The following PALM3 variants were observed in gnomAD, a reference collection of about 807,000 sequenced individuals.
PALM3 encodes paralemmin 3.
A neutral mutation model predicts 27.9 loss-of-function variants in PALM3; 20 were observed. That is an observed-to-expected ratio of 0.72 (90% CI 0.50 to 1.04). The LOEUF (loss-of-function observed/expected upper bound fraction) is 1.04, where lower values mean the gene tolerates loss of function less well. PALM3 is among the 50% of genes least tolerant of loss of function. The pLI, the probability that PALM3 is intolerant of heterozygous loss-of-function variation, is 0.00. For synonymous variants in PALM3, 328 were observed against 352.7 expected, an observed-to-expected ratio of 0.93 and a Z score of 0.79; for missense variants, 814 against 869.4, an observed-to-expected ratio of 0.94 and a Z score of 0.80.
In PALM3 at chr19:14,056,648, AG is replaced by A; in HGVS notation, c.314+13del. 1 of 1,551,752 alleles carries A rather than the reference AG, an allele frequency of 6.4e-7. No individual in the cohort carries two copies. The highest frequency in any genetic ancestry group is 8.7e-7 in the Non-Finnish European group (1 of 1,146,998). Reference sequence around the variant, plus strand: ...GGGGCAGGGTTCGGGCAGAGCTAGAAGGTCTCCACTCACGTGAACAAACTGT... The same window carrying A: ...GGGGCAGGGTTCGGGCAGAGCTAGAAGTCTCCACTCACGTGAACAAACTGT... On this transcript the variant is annotated intron_variant, in intron 4 of 6. Coordinates refer to ENST00000669674, the MANE Select transcript of PALM3 (RefSeq NM_001145028.2).
Position 14,055,366 on chromosome 19 carries a change from G to A in PALM3, c.445+14C>T. Reference sequence around the variant, plus strand: ...GGTGACCTGACCCCCAGACCTAGGGGCTCCCACACTTACCTACAGAACCTG... The same window carrying A: ...GGTGACCTGACCCCCAGACCTAGGGACTCCCACACTTACCTACAGAACCTG... On this transcript the variant is annotated intron_variant, in intron 6 of 6. Coordinates refer to ENST00000669674, the MANE Select transcript of PALM3 (RefSeq NM_001145028.2). 1 of 1,549,374 alleles carries A rather than the reference G, an allele frequency of 6.5e-7. No homozygotes were observed. Among genetic ancestry groups the A allele is most frequent in the Admixed American group, 2.0e-5 (1 of 50,926 alleles).
Position 14,055,163 on chromosome 19 carries a change from G to C in PALM3, c.509C>G (p.Ser170Cys). ...GACATCCTCCCTGGGCTCAGAGGGG[G>C]ACTCTGGAGGCGTGCCCACTAGTCC... Reference protein sequence around the residue: ...PAGLVGTPPESPSEPREDVLG... With the variant: ...PAGLVGTPPECPSEPREDVLG... Residue 170 changes from serine (S) to cysteine (C), a missense_variant, in exon 7 of 7, where the codon TCC becomes TGC. By Grantham distance (112) the Ser-to-Cys change is moderately radical. Coordinates refer to ENST00000669674, the MANE Select transcript of PALM3 (RefSeq NM_001145028.2). 1 of 1,548,574 alleles carries C rather than the reference G, an allele frequency of 6.5e-7. No homozygotes were observed. The highest frequency in any genetic ancestry group is 8.7e-7 in the Non-Finnish European group (1 of 1,146,130).
In PALM3 at chr19:14,055,022, G is replaced by A; in HGVS notation, c.650C>T (p.Ala217Val). ...PTPEQGLSQR[A>V]VPSEGRVGEA... The stretch of plus-strand genomic sequence containing the variant: ...ACCCACCCGCCCTTCGGATGGCACT[G>A]CCCTCTGACTTAGCCCCTGCTCTGG... The change falls in exon 7 of 7, where the codon GCA becomes GTA. Residue 217 changes from alanine (A) to valine (V), a missense_variant. Ala to Val is a moderately conservative substitution (Grantham distance 64, BLOSUM62 0). Transcript: ENST00000669674. 2 of 1,550,064 alleles carry A rather than the reference G, an allele frequency of 1.3e-6. No individual in the cohort carries two copies.
chr19:14,060,173 AAACATTTATTAATTTG>A (rs1295609819), intron 1 of PALM3, among the ~76,000 whole-genome samples: 5 of 152,010 alleles, frequency 3.3e-5, no homozygotes, highest in African/African-American at 1.2e-4. Flanking sequence ...TCAAACCCTC[AAACATTTATTAATTTG>A]AACAGTCACC....
In PALM3 at chr19:14,062,075, G is replaced by A; in HGVS notation, c.-95C>T. ...GGAGGCTGTGACTTGGCTGCCTGGA[G>A]TGGGGGGGGGCTGCGGGCGGGCACC... On this transcript the variant is annotated 5_prime_UTR_variant, in exon 1 of 7. Coordinates refer to ENST00000669674, the MANE Select transcript of PALM3 (RefSeq NM_001145028.2). 5 of 830,068 alleles carry A rather than the reference G, an allele frequency of 6.0e-6. No homozygotes were observed. The highest frequency in any genetic ancestry group is 7.3e-6 in the Non-Finnish European group (5 of 687,728). 51.4% of individuals were successfully genotyped at this position (830,068 alleles called of 1,614,324 possible).
intron 1 of PALM3, among the ~76,000 whole-genome samples, chr19:14,060,894 G>C (rs1388667435): frequency 6.6e-6 from 1 of 152,160 alleles, no homozygotes; most frequent in African/African-American, 2.4e-5. Flanking sequence ...CTGAGTAGCT[G>C]AGATTACAGG....
At chr19:14,055,589 T>C (rs1052955080) in intron 5 of PALM3, among the ~76,000 whole-genome samples, 164 bp from the exon 6 acceptor site, 1 of 152,100 alleles carries the variant, frequency 6.6e-6, no homozygotes, top group Non-Finnish European at 1.5e-5. Flanking sequence ...TCTATCTTAT[T>C]GCCCTATGTT....
chr19:14,060,854 G>A (rs1976403153), intron 1 of PALM3, among the ~76,000 whole-genome samples: 1 of 152,122 alleles, frequency 6.6e-6, no homozygotes, highest in East Asian at 1.9e-4. Flanking sequence ...CCCGCTTCCT[G>A]GGTTCAAGTG....
Position 14,054,428 on chromosome 19 carries a change from T to C in PALM3, c.1244A>G (p.Glu415Gly), listed in dbSNP as rs1375652116. ...TWEAEKRKAE[E>G]SMGIGSEEKP... Reference sequence around the variant, plus strand: ...TTCCTCACTTCCTATTCCCATGGATTCTTCCGCTTTTCTCTTCTCTGCCTC... The same window carrying C: ...TTCCTCACTTCCTATTCCCATGGATCCTTCCGCTTTTCTCTTCTCTGCCTC... Residue 415 changes from glutamate (E) to glycine (G), a missense_variant, in exon 7 of 7, where the codon GAA (glutamate) becomes GGA (glycine). Transcript: ENST00000669674. The C allele has an allele frequency of 3.9e-6, 6 of 1,551,750 alleles. No homozygotes were observed. Among genetic ancestry groups the C allele is most frequent in the Non-Finnish European group, 5.2e-6 (6 of 1,147,000 alleles).
At chr19:14,059,439 C>G (rs1344005485) in intron 1 of PALM3, among the ~76,000 whole-genome samples, 12 of 152,060 alleles carry the variant, frequency 7.9e-5, no homozygotes, top group Non-Finnish European at 2.9e-5. Flanking sequence ...GCTTGACCAC[C>G]CTGTCCTTGC....
In PALM3 at chr19:14,054,126, T is replaced by C; in HGVS notation, c.1546A>G (p.Lys516Glu). The C allele has an allele frequency of 6.4e-7, 1 of 1,551,796 alleles. No individual in the cohort carries two copies. Among genetic ancestry groups the C allele is most frequent in the Non-Finnish European group, 8.7e-7 (1 of 1,146,998 alleles). Residue 516 changes from lysine (K) to glutamate (E), a missense_variant, in exon 7 of 7, where the codon AAA becomes GAA. Transcript: ENST00000669674. The part of the protein sequence containing the change: ...KGGEEEPEAT[K>E]EPLEAERKGG... ...TTTCTCTCTGCCTCCAGTGGTTCTTTGGTTGCCTCTGGCTCTTCCTCACCT... is the reference window on the plus strand; with the variant it reads ...TTTCTCTCTGCCTCCAGTGGTTCTTCGGTTGCCTCTGGCTCTTCCTCACCT...
Position 14,056,412 on chromosome 19 carries a change from C to G in PALM3, c.399+17G>C. On this transcript the variant is annotated intron_variant, in intron 5 of 6. Coordinates refer to ENST00000669674, the MANE Select transcript of PALM3 (RefSeq NM_001145028.2). Reference sequence around the variant, plus strand: ...TGGCCATGCCCTCCCATCCCACTCCCCTGATTCCCCCCTCACCTGTCTGCG... The same window carrying G: ...TGGCCATGCCCTCCCATCCCACTCCGCTGATTCCCCCCTCACCTGTCTGCG... 1 of 1,543,086 alleles carries G rather than the reference C, an allele frequency of 6.5e-7. No individual in the cohort carries two copies. Among genetic ancestry groups the G allele is most frequent in the Non-Finnish European group, 8.8e-7 (1 of 1,139,850 alleles).
In PALM3 at chr19:14,061,885, A is replaced by G. The variant is rs947949666; in HGVS notation, c.41+55T>C. On this transcript the variant is annotated intron_variant, in intron 1 of 6. Transcript: ENST00000669674. ...CTCCCAGACAAGGCCAGCATCCCCCATGAGCCCCTCCCAAGGCCCTGCCCA... is the reference window on the plus strand; with the variant it reads ...CTCCCAGACAAGGCCAGCATCCCCCGTGAGCCCCTCCCAAGGCCCTGCCCA... The G allele has an allele frequency of 8.4e-6, 8 of 954,082 alleles. No homozygotes were observed. In the African/African-American group the frequency reaches 1.2e-4, roughly 15 times the overall value. The allele number at this position is 954,082 out of a possible 1,614,324, so 59.1% of individuals were successfully genotyped here.
At chr19:14,056,187 G>T (rs1022154766) in intron 5 of PALM3, among the ~76,000 whole-genome samples, 1 of 152,210 alleles carries the variant, frequency 6.6e-6, no homozygotes, top group African/African-American at 2.4e-5. Flanking sequence ...GGGATTACAG[G>T]CGTGAGCCAC....
chr19:14,062,023 C>T lies in PALM3; in HGVS notation c.-43G>A. ...CTTTCTGGTCTCCGAGTTCTGGACC[C>T]ACCACCCGCTTGCCTGAAGGTGCCC... is the stretch of plus-strand genomic sequence containing the variant. On this transcript the variant is annotated 5_prime_UTR_variant, in exon 1 of 7. Coordinates refer to ENST00000669674, the MANE Select transcript of PALM3 (RefSeq NM_001145028.2). 1 of 983,866 alleles carries T rather than the reference C, an allele frequency of 1.0e-6. No individual in the cohort carries two copies. Among genetic ancestry groups the T allele is most frequent in the Non-Finnish European group, 1.2e-6 (1 of 828,510 alleles). 60.9% of individuals were successfully genotyped at this position (983,866 alleles called of 1,614,324 possible). A position where few individuals can be genotyped will look rare whatever the true frequency, so the allele number is the denominator to read the frequency against.
rs1976282308 is a variant in PALM3 at position 14,055,217 on chromosome 19, T to C, written c.455A>G (p.Asp152Gly). The C allele has an allele frequency of 2.0e-6, 3 of 1,499,772 alleles. No individual in the cohort carries two copies. The East Asian group carries it at 7.4e-5, about 37-fold the overall frequency. 92.9% of individuals were successfully genotyped at this position (1,499,772 alleles called of 1,614,324 possible). A position where few individuals can be genotyped will look rare whatever the true frequency, so the allele number is the denominator to read the frequency against. The change falls in exon 7 of 7, where the codon GAT (aspartate) becomes GGT (glycine). Residue 152 changes from aspartate (D) to glycine (G), a missense_variant. Physicochemically the swap from Asp to Gly is moderately conservative, Grantham distance 94. Coordinates refer to ENST00000669674, the MANE Select transcript of PALM3 (RefSeq NM_001145028.2). ...CGGCAGGGAGGCTCTCTTGTTCAGA[T>C]CAGTCTGGCCTGGGGGAGTCAGAGG... is the stretch of plus-strand genomic sequence containing the variant. ...IVEAGSVGQT[D>G]LNKRASLPAG...
At position 14,054,468 on chromosome 19, in the gene PALM3, C is replaced by T. The variant is rs1976257239; in HGVS notation, c.1204G>A (p.Gly402Ser). The change falls in exon 7 of 7, where the codon GGC becomes AGC. Residue 402 changes from glycine to serine, a missense_variant. By Grantham distance (56) the Gly-to-Ser change is moderately conservative (BLOSUM62 0). Coordinates refer to ENST00000669674, the MANE Select transcript of PALM3 (RefSeq NM_001145028.2). ...LGAEGAKTGG[G>S]EETWEAEKRK... ...TTCTCTGCCTCCCAGGTCTCCTCGC[C>T]TCCTCCCGTCTTGGCCCCCTCGGCC... The T allele has an allele frequency of 6.4e-7, 1 of 1,551,596 alleles. No homozygotes were observed. The highest frequency in any genetic ancestry group is 1.7e-4 in the Middle Eastern group (1 of 5,990).
rs1184304563 is a variant in PALM3, at chr19:14,056,792, G to A, written c.184C>T (p.Arg62Trp). The A allele has an allele frequency of 5.2e-6, 8 of 1,548,810 alleles. No individual in the cohort carries two copies. The highest frequency in any genetic ancestry group is 7.0e-6 in the Non-Finnish European group (8 of 1,145,652). The change falls in exon 4 of 7, where the codon CGG becomes TGG. Residue 62 changes from arginine (R) to tryptophan (W), a missense_variant. By Grantham distance (101) the Arg-to-Trp change is moderately radical (BLOSUM62 -3). Transcript: ENST00000669674. ...RVERLKRKSL[R>W]ERWLMDGAAA... ...GCCCCATCCATTAGCCAACGTTCCCGGAGAGACTTCCTCTGGGCAGGGGAA... is the reference window on the plus strand; with the variant it reads ...GCCCCATCCATTAGCCAACGTTCCCAGAGAGACTTCCTCTGGGCAGGGGAA...
At chr19:14,055,297 C>A in intron 6 of PALM3, 71 bp from the exon 7 acceptor site, 1 of 1,532,506 alleles carries the variant, frequency 6.5e-7, no homozygotes, top group Non-Finnish European at 8.8e-7. Flanking sequence ...AAAGGACTGC[C>A]ATCCACACTC....
Sources: gnomAD v4.1 joint callset for allele counts (sites outside exome capture counted in the v4.1 genomes callset) on GRCh38, gnomAD v4.1.1 for gene constraint, MANE v1.5 for transcripts, NCBI Gene and HGNC (gene_info 2026-07-23, HGNC 2026-07-21) for gene names.